PDSS2: variants seen among roughly 807,000 people sequenced by gnomAD.
The protein encoded by PDSS2 is decaprenyl diphosphate synthase subunit 2, also known as all trans-polyprenyl-diphosphate synthase PDSS2.
A neutral mutation model predicts 44.5 loss-of-function variants in PDSS2; 31 were observed. That is an observed-to-expected ratio of 0.70 (90% CI 0.52 to 0.94). The LOEUF is 0.94. Among genes scored for constraint, PDSS2 ranks in the 40% least tolerant of loss-of-function variants. The pLI, the probability that PDSS2 is intolerant of heterozygous loss-of-function variation, is 0.00. For synonymous variants in PDSS2, 157 were observed against 180.3 expected, an observed-to-expected ratio of 0.87 and a Z score of 1.03; for missense variants, 452 against 482.2, an observed-to-expected ratio of 0.94 and a Z score of 0.59.
intron 1 of PDSS2, among the ~76,000 whole-genome samples, chr6:107,434,603 A>C (rs1369415819): frequency 6.6e-6 from 1 of 152,196 alleles, no homozygotes; most frequent in Non-Finnish European, 1.5e-5. Flanking sequence ...GAGGCTGGGA[A>C]GCATAGTGGC....
intron 4 of PDSS2, among the ~76,000 whole-genome samples, chr6:107,217,482 G>C (rs1442510488): frequency 6.6e-6 from 1 of 151,942 alleles, no homozygotes; most frequent in Non-Finnish European, 1.5e-5. Flanking sequence ...CAAGGAAATG[G>C]ATTTTCCAAT....
chr6:107,349,643 G>A (rs992884590), intron 1 of PDSS2, among the ~76,000 whole-genome samples: 9 of 150,340 alleles, frequency 6.0e-5, no homozygotes, highest in African/African-American at 2.0e-4. Flanking sequence ...CAGCTACTAG[G>A]GAGGCTGAGG....
intron 6 of PDSS2, among the ~76,000 whole-genome samples, chr6:107,199,674 C>T (rs1772703264): frequency 6.6e-6 from 1 of 152,190 alleles, no homozygotes; most frequent in African/African-American, 2.4e-5. Context: ...TTCTCTTGCT[C>T]ACAACTGTAT....
At position 107,344,641 on chromosome 6, in the gene PDSS2, G is replaced by A. The variant is rs544141699; in HGVS notation, c.297-10309C>T. 4.1e-4 allele frequency among the ~76,000 whole-genome samples: 62 copies of A among 152,294 alleles called. No individual in the cohort carries two copies. The South Asian group carries it at 8.9e-3, about 22-fold the overall frequency. ...AGAAGACAGGTGCCTGGAAGGAAAG[G>A]AAGGAAGAGAGAAGAGAAAGTAGAA... On this transcript the variant is annotated intron_variant, in intron 1 of 7. Transcript: ENST00000369037.
chr6:107,342,718 G>A (rs1778118586), intron 1 of PDSS2, among the ~76,000 whole-genome samples: 1 of 151,930 alleles, frequency 6.6e-6, no homozygotes, highest in South Asian at 2.1e-4. Flanking sequence ...ACAGAATTGG[G>A]GCATAAAAGA....
rs35184119 is a variant in PDSS2 at position 107,347,256 on chromosome 6, C to CTTTTTT, written c.297-12930_297-12925dup. Among the ~76,000 whole-genome samples, 20 of 90,010 alleles carry CTTTTTT rather than the reference C, an allele frequency of 2.2e-4. 1 individual carries two copies. The highest frequency in any genetic ancestry group is 5.2e-4 in the African/African-American group (12 of 23,264). The allele number at this position is 90,010 out of a possible 152,430, so 59.1% of individuals were successfully genotyped here. A position where few individuals can be genotyped will look rare whatever the true frequency, so the allele number is the denominator to read the frequency against. ...ATACAATTCCCTAAAATTATATCTT[C>CTTTTTT]TTTTTTTTTTTTTTTTTTTTTTTTG... On this transcript the variant is annotated intron_variant, in intron 1 of 7. Transcript: ENST00000369037.
intron 6 of PDSS2, 124 bp downstream of exon 6, chr6:107,210,315 T>A: frequency 2.6e-6 from 2 of 756,602 alleles, no homozygotes; most frequent in Non-Finnish European, 4.6e-6. Context: ...AAAGAAAGGA[T>A]TTTACCTGTT....
intron 1 of PDSS2, among the ~76,000 whole-genome samples, chr6:107,340,029 T>C (rs1424369768): frequency 2.0e-5 from 3 of 151,420 alleles, no homozygotes; most frequent in Non-Finnish European, 4.4e-5. Flanking sequence ...TAGGAAACTT[T>C]TGTAATAGTC....
intron 4 of PDSS2, among the ~76,000 whole-genome samples, chr6:107,235,470 A>T (rs1175862545): frequency 6.6e-6 from 1 of 152,160 alleles, no homozygotes; most frequent in Non-Finnish European, 1.5e-5. Flanking sequence ...TTTAATAGTG[A>T]AAAAAATTGG....
Position 107,234,567 on chromosome 6 carries a change from A to G in PDSS2, c.702+10981T>C, listed in dbSNP as rs182477929. Among the ~76,000 whole-genome samples the G allele has an allele frequency of 2.1e-3, 321 of 151,320 alleles. 3 individuals are homozygous for G. Among genetic ancestry groups the G allele is most frequent in the Middle Eastern group, 6.8e-3 (2 of 294 alleles). On this transcript the variant is annotated intron_variant, in intron 4 of 7. Transcript: ENST00000369037. ...CCTAAAAATATTTGCCTATCAGTCT[A>G]CAAAGATGAATTCCCAAATCATCTT...
intron 3 of PDSS2, chr6:107,264,426 C>T (rs1238921336): frequency 6.5e-7 from 1 of 1,549,458 alleles, no homozygotes; most frequent in Non-Finnish European, 8.7e-7. Context: ...GACATCATGA[C>T]AATGCTCTTG....
intron 7 of PDSS2, among the ~76,000 whole-genome samples, chr6:107,156,133 G>A (rs543178099): frequency 1.3e-5 from 2 of 148,166 alleles, no homozygotes; most frequent in South Asian, 2.1e-4. Flanking sequence ...CAGGCAATCC[G>A]CCTGCCTCAG....
At chr6:107,225,564 C>T (rs1043020538) in intron 4 of PDSS2, among the ~76,000 whole-genome samples, 14 of 151,956 alleles carry the variant, frequency 9.2e-5, no homozygotes, top group Admixed American at 2.0e-4. Context: ...TTGCACAAGG[C>T]GTACAAGGAG....
intron 1 of PDSS2, among the ~76,000 whole-genome samples, chr6:107,452,697 C>T (rs993564510): frequency 6.6e-6 from 1 of 151,538 alleles, no homozygotes; most frequent in East Asian, 1.9e-4. Flanking sequence ...GACAGAGTCT[C>T]ACTCTGTCTC....
At chr6:107,156,814 G>C (rs1416184374) in intron 7 of PDSS2, among the ~76,000 whole-genome samples, 1 of 152,144 alleles carries the variant, frequency 6.6e-6, no homozygotes, top group Admixed American at 6.5e-5. Flanking sequence ...TGTGGCAGCC[G>C]AGGTTGTGAA....
At chr6:107,418,737 T>G (rs1411636562) in intron 1 of PDSS2, among the ~76,000 whole-genome samples, 1 of 152,150 alleles carries the variant, frequency 6.6e-6, no homozygotes, top group Admixed American at 6.5e-5. Flanking sequence ...ATTGCGCCAC[T>G]GCACTCCAAC....
At chr6:107,279,080 C>G (rs1324984389) in intron 2 of PDSS2, among the ~76,000 whole-genome samples, 1 of 152,044 alleles carries the variant, frequency 6.6e-6, no homozygotes, top group African/African-American at 2.4e-5. Flanking sequence ...ATTGGCTGGA[C>G]ATGGTGGCGC....
chr6:107,435,609 GTAT>G (rs1226032195), intron 1 of PDSS2, among the ~76,000 whole-genome samples: 5 of 152,146 alleles, frequency 3.3e-5, no homozygotes, highest in Admixed American at 2.6e-4. Context: ...ATTTGTGAAG[GTAT>G]TATTATTCTG....
At chr6:107,228,994 T>C (rs777111613) in intron 4 of PDSS2, among the ~76,000 whole-genome samples, 1 of 152,134 alleles carries the variant, frequency 6.6e-6, no homozygotes, top group East Asian at 1.9e-4. Flanking sequence ...TTGGGTACAA[T>C]GTGAGGGACA....
Sources: gnomAD v4.1 joint callset for allele counts (sites outside exome capture counted in the v4.1 genomes callset) on GRCh38, gnomAD v4.1.1 for gene constraint, MANE v1.5 for transcripts, NCBI Gene and HGNC (gene_info 2026-07-23, HGNC 2026-07-21) for gene names.